The following ANKS1B variants were observed in gnomAD, a reference collection of about 807,000 sequenced individuals.
ANKS1B encodes the protein ankyrin repeat and sterile alpha motif domain-containing protein 1B.
Under a neutral mutation model 148.3 loss-of-function variants are expected in ANKS1B, and 36 were observed. The observed-to-expected ratio is 0.24, with a 90% CI of 0.19 to 0.32. The LOEUF is 0.32. Among genes scored for constraint, ANKS1B ranks in the 10% least tolerant of loss-of-function variants. The probability of loss-of-function intolerance (pLI) is 1.00; values close to 1 mark genes in which losing one functional copy is unlikely to be tolerated. For synonymous variants in ANKS1B, 542 were observed against 560.8 expected (o/e 0.97, Z 0.47); for missense variants, 1,157 against 1,542.6 (o/e 0.75, Z 4.19).
intron 14 of ANKS1B, among the ~76,000 whole-genome samples, chr12:99,226,948 C>T (rs765740236): frequency 2.6e-5 from 4 of 152,088 alleles, no homozygotes; most frequent in African/African-American, 9.7e-5. Context: ...AGTGACAGGG[C>T]GGAGCTAAGC....
At chr12:99,914,918 C>T (rs1270336109) in intron 1 of ANKS1B, among the ~76,000 whole-genome samples, 1 of 151,994 alleles carries the variant, frequency 6.6e-6, no homozygotes, top group Non-Finnish European at 1.5e-5. Flanking sequence ...TAACTAGGGT[C>T]AGGTCCTACT....
intron 4 of ANKS1B, among the ~76,000 whole-genome samples, chr12:99,791,389 T>A (rs555467515): frequency 2.0e-5 from 3 of 151,810 alleles, no homozygotes; most frequent in African/African-American, 7.3e-5. Context: ...AATCAACAGA[T>A]AAACATTGGT....
chr12:98,807,002 C>T (rs2099055566), intron 20 of ANKS1B, among the ~76,000 whole-genome samples: 1 of 152,174 alleles, frequency 6.6e-6, no homozygotes, highest in Non-Finnish European at 1.5e-5. Context: ...GGCATCCCTT[C>T]ACATGCCGCC....
intron 8 of ANKS1B, among the ~76,000 whole-genome samples, chr12:99,733,343 A>G (rs2059342148): frequency 6.6e-6 from 1 of 152,204 alleles, no homozygotes; most frequent in Admixed American, 6.5e-5. Context: ...ACCTGAACTT[A>G]CCTCAAAGCC....
intron 12 of ANKS1B, among the ~76,000 whole-genome samples, chr12:99,269,284 G>A (rs1197734134): frequency 6.6e-6 from 1 of 151,968 alleles, no homozygotes. Context: ...TTATTTTCAT[G>A]GTTACATTTA....
At chr12:99,935,230 C>G (rs946967982) in intron 1 of ANKS1B, among the ~76,000 whole-genome samples, 4 of 151,752 alleles carry the variant, frequency 2.6e-5, no homozygotes, top group African/African-American at 9.7e-5. Context: ...TAACAAAAAT[C>G]ATTCCAGGGA....
At chr12:98,997,654 G>A (rs1250518751) in intron 17 of ANKS1B, among the ~76,000 whole-genome samples, 2 of 152,114 alleles carry the variant, frequency 1.3e-5, no homozygotes, top group Non-Finnish European at 2.9e-5. Flanking sequence ...GCCTCTCAAA[G>A]TGCTGGAATT....
At chr12:98,767,253 T>C (rs1336889956) in intron 25 of ANKS1B, among the ~76,000 whole-genome samples, 1 of 152,204 alleles carries the variant, frequency 6.6e-6, no homozygotes, top group African/African-American at 2.4e-5. Flanking sequence ...CCCCACACTT[T>C]GGCTGGCTTT....
intron 8 of ANKS1B, among the ~76,000 whole-genome samples, chr12:99,738,987 A>G (rs1235620136): frequency 1.3e-5 from 2 of 152,074 alleles, no homozygotes; most frequent in Non-Finnish European, 2.9e-5. Flanking sequence ...TCTGTGGAAT[A>G]TTAAGTCCTC....
intron 14 of ANKS1B, among the ~76,000 whole-genome samples, chr12:99,162,427 G>C (rs565124600): frequency 6.6e-6 from 1 of 152,010 alleles, no homozygotes; most frequent in East Asian, 1.9e-4. Context: ...AGAACAAAAT[G>C]CACATACATA....
intron 17 of ANKS1B, among the ~76,000 whole-genome samples, chr12:98,924,401 T>C (rs914956725): frequency 7.9e-5 from 12 of 152,316 alleles, no homozygotes; most frequent in South Asian, 4.1e-4. Flanking sequence ...TGAGACTCTA[T>C]TTCTTTTCCC....
intron 8 of ANKS1B, among the ~76,000 whole-genome samples, chr12:99,760,836 C>T (rs1440969579): frequency 6.6e-6 from 1 of 151,014 alleles, no homozygotes; most frequent in Non-Finnish European, 1.5e-5. Context: ...TCCAAATAAG[C>T]ACAATCAGAA....
At chr12:99,929,633 C>G (rs2094562262) in intron 1 of ANKS1B, among the ~76,000 whole-genome samples, 1 of 152,052 alleles carries the variant, frequency 6.6e-6, no homozygotes, top group Non-Finnish European at 1.5e-5. Context: ...GGTTTTAGGT[C>G]TAACATTTAA....
chr12:99,892,186 G>A (rs1231143510), intron 1 of ANKS1B, among the ~76,000 whole-genome samples: 3 of 152,034 alleles, frequency 2.0e-5, no homozygotes, highest in Non-Finnish European at 2.9e-5. Flanking sequence ...TGTATTTTTA[G>A]TAGAGACGGG....
chr12:99,698,381 A>C (rs980669554), intron 8 of ANKS1B, among the ~76,000 whole-genome samples: 1 of 152,104 alleles, frequency 6.6e-6, no homozygotes, highest in Non-Finnish European at 1.5e-5. Flanking sequence ...ACAGCAATTT[A>C]AGTGTGTGTG....
chr12:99,706,525 G>T (rs930414673), intron 8 of ANKS1B: 2 of 151,858 alleles, frequency 1.3e-5, no homozygotes, highest in Non-Finnish European at 1.5e-5. Flanking sequence ...CTGTGTTAGG[G>T]ACCTATGGCA....
intron 11 of ANKS1B, among the ~76,000 whole-genome samples, chr12:99,413,511 C>T (rs1281081169): frequency 1.3e-5 from 2 of 152,056 alleles, no homozygotes; most frequent in Non-Finnish European, 2.9e-5. Flanking sequence ...TTTTAAAAAT[C>T]TACATTGTTT....
chr12:99,345,136 A>C (rs1364137118), intron 12 of ANKS1B, among the ~76,000 whole-genome samples: 1 of 152,094 alleles, frequency 6.6e-6, no homozygotes, highest in Non-Finnish European at 1.5e-5. Context: ...TGTCAGATAA[A>C]ATGATCCTAA....
chr12:99,201,778 T>C (rs758673527), intron 14 of ANKS1B, among the ~76,000 whole-genome samples: 1 of 152,204 alleles, frequency 6.6e-6, no homozygotes, highest in Non-Finnish European at 1.5e-5. Flanking sequence ...GAAAGGATGA[T>C]AGCAAGGTTT....
Sources: gnomAD v4.1 joint callset for allele counts (sites outside exome capture counted in the v4.1 genomes callset) on GRCh38, gnomAD v4.1.1 for gene constraint, MANE v1.5 for transcripts, NCBI Gene and HGNC (gene_info 2026-07-23, HGNC 2026-07-21) for gene names.